The following BBS9 variants were observed in gnomAD, a reference collection of about 807,000 sequenced individuals.
BBS9 encodes protein PTHB1.
Under a neutral mutation model 117.7 loss-of-function variants are expected in BBS9, and 89 were observed. The observed-to-expected ratio is 0.76, with a 90% CI of 0.64 to 0.90. BBS9 has a LOEUF of 0.90. Ranked by LOEUF, BBS9 falls within the 40% of genes least tolerant of loss-of-function variation. The probability of loss-of-function intolerance (pLI) is 0.00; values close to 1 mark genes in which losing one functional copy is unlikely to be tolerated. For missense variants in BBS9, 982 were observed against 1,042.2 expected, an observed-to-expected ratio of 0.94 and a Z score of 0.80; for synonymous variants, 379 against 370.9, an observed-to-expected ratio of 1.02 and a Z score of -0.25.
At chr7:33,441,491 A>C (rs1354002607) in intron 19 of BBS9, among the ~76,000 whole-genome samples, 1 of 152,162 alleles carries the variant, frequency 6.6e-6, no homozygotes, top group Non-Finnish European at 1.5e-5. Flanking sequence ...TACCTTGTGG[A>C]AACTTAATTC....
At chr7:33,424,211 A>G (rs995763917) in intron 19 of BBS9, among the ~76,000 whole-genome samples, 1 of 152,240 alleles carries the variant, frequency 6.6e-6, no homozygotes, top group East Asian at 1.9e-4. Flanking sequence ...ATGGAAGAAT[A>G]TAGGAAAACT....
At chr7:33,380,269 A>C in intron 17 of BBS9, 2 of 172,774 alleles carry the variant, frequency 1.2e-5, no homozygotes, top group Non-Finnish European at 2.5e-5. Context: ...TACAAGCTCC[A>C]CCTGCACCTG....
intron 21 of BBS9, among the ~76,000 whole-genome samples, chr7:33,586,964 A>G (rs1453916030): frequency 1.3e-5 from 2 of 152,082 alleles, no homozygotes; most frequent in Admixed American, 1.3e-4. Context: ...TCCCTGAGTG[A>G]TGGATCCATT....
intron 6 of BBS9, among the ~76,000 whole-genome samples, chr7:33,263,358 T>G (rs13241124): frequency 0.14 from 21,860 of 151,916 alleles, 1,853 homozygotes; most frequent in Non-Finnish European, 0.18. Flanking sequence ...GATATCTGTG[T>G]CTTAGAAAAT....
chr7:33,609,012 T>C (rs985908135), downstream of BBS9, among the ~76,000 whole-genome samples: 13 of 152,288 alleles, frequency 8.5e-5, no homozygotes, highest in Admixed American at 8.5e-4. Context: ...AAATCTTTTA[T>C]CCATTTTGAG....
rs758363032 is a variant in BBS9 at position 33,605,678 on chromosome 7, T to G, written c.*452T>G. The G allele has an allele frequency of 3.2e-5, 6 of 188,052 alleles. No individual in the cohort carries two copies. Among genetic ancestry groups the G allele is most frequent in the Admixed American group, 5.4e-5 (1 of 18,690 alleles). 11.6% of individuals were successfully genotyped at this position (188,052 alleles called of 1,614,324 possible). A position where few individuals can be genotyped will look rare whatever the true frequency, so the allele number is the denominator to read the frequency against. ...ATTAGAGGGATTTATGAGTGATTGCTCTACATTATTTCTTCAAAGGAAAGG... is the reference window on the plus strand; with the variant it reads ...ATTAGAGGGATTTATGAGTGATTGCGCTACATTATTTCTTCAAAGGAAAGG... On this transcript the variant is annotated 3_prime_UTR_variant, in exon 23 of 23. Transcript: ENST00000242067.
intron 21 of BBS9, among the ~76,000 whole-genome samples, chr7:33,540,802 G>A (rs988268900): frequency 1.3e-4 from 20 of 152,326 alleles, no homozygotes; most frequent in African/African-American, 4.8e-4. Flanking sequence ...GCAGAAATGT[G>A]CGCAGCTGTT....
intron 9 of BBS9, among the ~76,000 whole-genome samples, chr7:33,333,303 C>T (rs909405546): frequency 2.6e-5 from 4 of 152,184 alleles, no homozygotes; most frequent in African/African-American, 9.6e-5. Flanking sequence ...TAAGTGAGAA[C>T]ATACCATATT....
intron 9 of BBS9, among the ~76,000 whole-genome samples, chr7:33,299,735 C>T (rs996536415): frequency 6.6e-6 from 1 of 151,944 alleles, no homozygotes; most frequent in Non-Finnish European, 1.5e-5. Context: ...TATTAATTCA[C>T]ACCAAACAAT....
At chr7:33,469,879 C>A (rs761188192) in intron 19 of BBS9, among the ~76,000 whole-genome samples, 3 of 152,178 alleles carry the variant, frequency 2.0e-5, no homozygotes, top group Non-Finnish European at 2.9e-5. Flanking sequence ...CTTGAACAAA[C>A]CAGCTGGCTC....
rs370946419 is a variant in BBS9, at chr7:33,423,458, A to C, written c.2115+35314A>C. ...TGAGAAAAACAAAGGTTTTTGAGTCAGGGCCCACGGGTGTGCACACTGTGC... is the reference window on the plus strand; with the variant it reads ...TGAGAAAAACAAAGGTTTTTGAGTCCGGGCCCACGGGTGTGCACACTGTGC... On this transcript the variant is annotated intron_variant, in intron 19 of 22. Coordinates refer to ENST00000242067, the MANE Select transcript of BBS9 (RefSeq NM_198428.3). Among the ~76,000 whole-genome samples the C allele has an allele frequency of 2.6e-4, 40 of 152,142 alleles. No homozygotes were observed. In the East Asian group the frequency reaches 7.4e-3, roughly 28 times the overall value.
At chr7:33,257,974 A>G (rs1797359677) in intron 6 of BBS9, among the ~76,000 whole-genome samples, 1 of 152,196 alleles carries the variant, frequency 6.6e-6, no homozygotes, top group Admixed American at 6.5e-5. Context: ...CCCTAGGCAA[A>G]TAGTTTATAC....
chr7:33,450,084 T>G (rs1837574464), intron 19 of BBS9, among the ~76,000 whole-genome samples: 1 of 152,206 alleles, frequency 6.6e-6, no homozygotes, highest in Admixed American at 6.5e-5. Flanking sequence ...TTCTTTCATT[T>G]TGACCACTTT....
rs908559624 is a variant in BBS9, at chr7:33,316,134, G to A, written c.1017-20307G>A. ...ATAATCCCCTCTTGCCTGCACCCAGGTAACTGCTGTTCATATTCTCTTTTT... is the reference window on the plus strand; with the variant it reads ...ATAATCCCCTCTTGCCTGCACCCAGATAACTGCTGTTCATATTCTCTTTTT... On this transcript the variant is annotated intron_variant, in intron 9 of 22. Coordinates refer to ENST00000242067, the MANE Select transcript of BBS9 (RefSeq NM_198428.3). Among the ~76,000 whole-genome samples the A allele has an allele frequency of 1.6e-3, 247 of 152,224 alleles. 2 individuals carry two copies. Among genetic ancestry groups the A allele is most frequent in the Non-Finnish European group, 4.9e-4 (33 of 68,006 alleles).
At chr7:33,401,699 G>A (rs769749050) in intron 19 of BBS9, among the ~76,000 whole-genome samples, 8 of 152,158 alleles carry the variant, frequency 5.3e-5, no homozygotes, top group Non-Finnish European at 1.5e-5. Flanking sequence ...GGAGACCAAG[G>A]TTCCCTTGAT....
At chr7:33,527,263 T>C (rs1029501748) in intron 20 of BBS9, among the ~76,000 whole-genome samples, 3 of 152,236 alleles carry the variant, frequency 2.0e-5, no homozygotes, top group Non-Finnish European at 2.9e-5. Context: ...CCTTGAGTTG[T>C]GTTGGGCTCC....
intron 4 of BBS9, among the ~76,000 whole-genome samples, chr7:33,167,356 A>G (rs576823929): frequency 6.6e-6 from 1 of 151,668 alleles, no homozygotes; most frequent in East Asian, 1.9e-4. Flanking sequence ...TGCTTGGGTT[A>G]GCAGTTTTAT....
intron 21 of BBS9, among the ~76,000 whole-genome samples, chr7:33,597,778 C>G (rs1319538862): frequency 6.6e-6 from 1 of 151,580 alleles, no homozygotes; most frequent in African/African-American, 2.4e-5. Flanking sequence ...CTCTCTGAGC[C>G]TCTGTCTTGA....
chr7:33,604,975 G>A lies in BBS9; in HGVS notation c.2632G>A (p.Glu878Lys). The A allele has an allele frequency of 3.1e-6, 5 of 1,602,056 alleles. No individual in the cohort carries two copies. Among genetic ancestry groups the A allele is most frequent in the Non-Finnish European group, 4.3e-6 (5 of 1,169,192 alleles). Reference sequence around the variant, plus strand: ...TCTCACTGCAGAGACACCCAGGCCTGGTAAGAGACTGGATGGCCTTCACAA... The same window carrying A: ...TCTCACTGCAGAGACACCCAGGCCTAGTAAGAGACTGGATGGCCTTCACAA... ...RHLTAETPRP[E>K]VSPLQGVSE Residue 878 changes from glutamate to lysine, a missense_variant and splice_region_variant, in exon 22 of 23, where the codon GAA (glutamate) becomes AAA (lysine). Glu to Lys is a moderately conservative substitution (Grantham distance 56). Transcript: ENST00000242067.
Sources: allele counts gnomAD v4.1 joint callset (sites outside exome capture counted in the v4.1 genomes callset), GRCh38; gene constraint gnomAD v4.1.1; transcripts MANE v1.5; gene names NCBI Gene and HGNC (gene_info 2026-07-23, HGNC 2026-07-21).